The following STX8 variants were observed in gnomAD, a reference collection of about 807,000 sequenced individuals.
STX8 encodes the protein syntaxin-8.
A neutral mutation model predicts 37.5 loss-of-function variants in STX8; 23 were observed. That is an observed-to-expected ratio of 0.61 (90% CI 0.44 to 0.87). The LOEUF (loss-of-function observed/expected upper bound fraction) is 0.87, where lower values mean the gene tolerates loss of function less well. Among genes scored for constraint, STX8 ranks in the 40% least tolerant of loss-of-function variants. STX8 has a pLI of 0.00. For missense variants in STX8, 313 were observed against 284.7 expected (o/e 1.10, Z -0.71); for synonymous variants, 115 against 99.1 (o/e 1.16, Z -0.95).
chr17:9,536,986 TCCAC>T (rs1906085718), intron 4 of STX8, among the ~76,000 whole-genome samples: 1 of 152,094 alleles, frequency 6.6e-6, no homozygotes, highest in South Asian at 2.1e-4. Context: ...GACCTCGTGA[TCCAC>T]CCCCGCCCTG....
intron 6 of STX8, among the ~76,000 whole-genome samples, chr17:9,434,781 G>A (rs752476689): frequency 6.6e-6 from 1 of 152,194 alleles, no homozygotes; most frequent in African/African-American, 2.4e-5. Flanking sequence ...TGGGCTGTTG[G>A]CTAGCTGTAT....
At chr17:9,401,684 T>A (rs1044544569) in intron 6 of STX8, among the ~76,000 whole-genome samples, 1 of 152,190 alleles carries the variant, frequency 6.6e-6, no homozygotes, top group African/African-American at 2.4e-5. Flanking sequence ...AACATCACCT[T>A]GGTTTCTCCA....
chr17:9,326,630 C>T (rs1408732594), intron 7 of STX8, among the ~76,000 whole-genome samples: 1 of 152,128 alleles, frequency 6.6e-6, no homozygotes, highest in Admixed American at 6.5e-5. Context: ...GAAAATGGGT[C>T]CTGTGTCCTG....
At chr17:9,451,881 G>T (rs990073155) in intron 6 of STX8, among the ~76,000 whole-genome samples, 1 of 151,970 alleles carries the variant, frequency 6.6e-6, no homozygotes, top group East Asian at 1.9e-4. Context: ...TTGATATTTT[G>T]CTTCCTCTTT....
Position 9,316,965 on chromosome 17 carries a change from G to A in STX8, c.643+61587C>T, listed in dbSNP as rs529415689. Among the ~76,000 whole-genome samples the A allele has an allele frequency of 9.8e-5, 15 of 152,292 alleles. No homozygotes were observed. In the East Asian group the frequency reaches 2.1e-3, roughly 22 times the overall value. On this transcript the variant is annotated intron_variant, in intron 7 of 7. Transcript: ENST00000306357. ...CCTGGTATCAGAAGTGAAGCATTGC[G>A]GGTGAGGAGAGTGGAATAGGAAAAG...
At chr17:9,538,544 C>T (rs767799937) in intron 4 of STX8, among the ~76,000 whole-genome samples, 4 of 152,186 alleles carry the variant, frequency 2.6e-5, no homozygotes, top group Admixed American at 6.5e-5. Flanking sequence ...ATGAAATACA[C>T]ATTGGAAATA....
intron 6 of STX8, among the ~76,000 whole-genome samples, chr17:9,397,077 G>A (rs1468429236): frequency 2.6e-5 from 4 of 152,186 alleles, no homozygotes; most frequent in East Asian, 1.9e-4. Context: ...TTCTGACACC[G>A]CTATACATGT....
At chr17:9,459,579 G>C (rs1324534641) in intron 6 of STX8, among the ~76,000 whole-genome samples, 3 of 152,062 alleles carry the variant, frequency 2.0e-5, no homozygotes, top group Non-Finnish European at 4.4e-5. Flanking sequence ...GCAGTGGCAT[G>C]ATCTCGGCTC....
intron 6 of STX8, among the ~76,000 whole-genome samples, chr17:9,466,839 T>C (rs1424914668): frequency 6.6e-6 from 1 of 152,170 alleles, no homozygotes; most frequent in African/African-American, 2.4e-5. Context: ...ACAATAACAA[T>C]GCACACTTAC....
chr17:9,403,740 G>A (rs889685390), intron 6 of STX8, among the ~76,000 whole-genome samples: 6 of 151,874 alleles, frequency 4.0e-5, no homozygotes, highest in South Asian at 2.1e-4. Context: ...TCTGCCTCCC[G>A]GGTTCAAGCA....
At chr17:9,274,657 C>G (rs1013599826) in intron 7 of STX8, among the ~76,000 whole-genome samples, 1 of 141,126 alleles carries the variant, frequency 7.1e-6, no homozygotes, top group Non-Finnish European at 1.5e-5. Context: ...GCCTGGGCAA[C>G]AGTGTGAGAC....
rs181134042 is a variant in STX8 at position 9,355,572 on chromosome 17, G to A, written c.643+22980C>T. ...GGCTGGAGTGCAATGGCGCAATCTC[G>A]GCTCACTGCAACCTCCGCCTCCCGA... On this transcript the variant is annotated intron_variant, in intron 7 of 7. Transcript: ENST00000306357. Among the ~76,000 whole-genome samples the A allele has an allele frequency of 6.2e-3, 920 of 148,772 alleles. 10 individuals carry two copies. The highest frequency in any genetic ancestry group is 0.018 in the Middle Eastern group (5 of 282).
At chr17:9,284,755 G>A (rs1048860919) in intron 7 of STX8, among the ~76,000 whole-genome samples, 56 of 152,090 alleles carry the variant, frequency 3.7e-4, no homozygotes, top group African/African-American at 2.4e-5. Flanking sequence ...TCTAGACTTC[G>A]ACTTAGCAGA....
At chr17:9,347,033 A>C (rs1478481773) in intron 7 of STX8, among the ~76,000 whole-genome samples, 2 of 152,136 alleles carry the variant, frequency 1.3e-5, no homozygotes, top group East Asian at 3.9e-4. Flanking sequence ...AGGCTGAGGC[A>C]GGAGAATCGC....
At chr17:9,529,813 T>C (rs1280450787) in intron 4 of STX8, among the ~76,000 whole-genome samples, 1 of 152,186 alleles carries the variant, frequency 6.6e-6, no homozygotes, top group African/African-American at 2.4e-5. Flanking sequence ...TTGGATTATT[T>C]CCAGGTGAGA....
rs1906549905 is a variant in STX8 at position 9,546,889 on chromosome 17, G to A, written c.213-1607C>T. 5.2e-5 allele frequency among the ~76,000 whole-genome samples: 3 copies of A among 57,928 alleles called. No homozygotes were observed. The South Asian group carries it at 2.7e-3, about 52-fold the overall frequency. The allele number at this position is 57,928 out of a possible 152,430, so 38.0% of individuals were successfully genotyped here. A position where few individuals can be genotyped will look rare whatever the true frequency, so the allele number is the denominator to read the frequency against. ...TGGGATTACAGGTGTGAGCCAGTGC[G>A]CCCAGACACAAGTTTTTGTTTGTTT... is the stretch of plus-strand genomic sequence containing the variant. On this transcript the variant is annotated intron_variant, in intron 3 of 7. Transcript: ENST00000306357.
intron 6 of STX8, among the ~76,000 whole-genome samples, chr17:9,454,435 C>T (rs938561136): frequency 1.4e-4 from 22 of 151,882 alleles, no homozygotes; most frequent in African/African-American, 2.7e-4. Context: ...TCCCAGCACT[C>T]TGGGAGGCCG....
At chr17:9,495,517 C>G (rs1394191100) in intron 5 of STX8, among the ~76,000 whole-genome samples, 3 of 152,086 alleles carry the variant, frequency 2.0e-5, no homozygotes, top group Non-Finnish European at 4.4e-5. Context: ...ATTGCTTTAT[C>G]TAGTAGAGAC....
chr17:9,342,907 G>A (rs1476478003), intron 7 of STX8, among the ~76,000 whole-genome samples: 1 of 151,756 alleles, frequency 6.6e-6, no homozygotes, highest in African/African-American at 2.4e-5. Context: ...TGTAGTCCCA[G>A]CTACTTGGGA....
Sources: allele counts gnomAD v4.1 joint callset (sites outside exome capture counted in the v4.1 genomes callset), GRCh38; gene constraint gnomAD v4.1.1; transcripts MANE v1.5; gene names NCBI Gene and HGNC (gene_info 2026-07-23, HGNC 2026-07-21).